CADPS2: variants seen among roughly 807,000 people sequenced by gnomAD.
The protein encoded by CADPS2 is calcium dependent secretion activator 2, also known as calcium-dependent secretion activator 2.
CADPS2 carries 93 observed loss-of-function variants against 172.5 expected under a neutral mutation model. That is an observed-to-expected ratio of 0.54 (90% confidence interval 0.46 to 0.64). The LOEUF is 0.64. CADPS2 is among the 30% of genes least tolerant of loss of function. CADPS2 has a pLI of 0.00. For synonymous variants in CADPS2, 546 were observed against 555.2 expected, an observed-to-expected ratio of 0.98 and a Z score of 0.23; for missense variants, 1,420 against 1,565.9, an observed-to-expected ratio of 0.91 and a Z score of 1.57.
chr7:122,487,759 C>A (rs1456048386), intron 11 of CADPS2, among the ~76,000 whole-genome samples: 1 of 152,080 alleles, frequency 6.6e-6, no homozygotes, highest in Admixed American at 6.6e-5. Context: ...AGGTATGGAT[C>A]TGGAGGCATT....
intron 25 of CADPS2, among the ~76,000 whole-genome samples, chr7:122,369,127 T>TTCCC (rs2041382927): frequency 1.6e-4 from 8 of 49,766 alleles, no homozygotes; most frequent in Admixed American, 2.8e-4. Context: ...AATTTTTGTT[T>TTCCC]CCCCCCCCCC....
intron 6 of CADPS2, among the ~76,000 whole-genome samples, chr7:122,588,794 T>G (rs2070225515): frequency 6.6e-6 from 1 of 151,910 alleles, no homozygotes; most frequent in Admixed American, 6.6e-5. Flanking sequence ...GTAAGGACTG[T>G]GTTATTTTCA....
chr7:122,589,626 C>T (rs2070418758), intron 6 of CADPS2, among the ~76,000 whole-genome samples: 2 of 151,898 alleles, frequency 1.3e-5, no homozygotes, highest in African/African-American at 4.8e-5. Flanking sequence ...TGGCTGCTGA[C>T]ACGTCGTTTA....
intron 1 of CADPS2, among the ~76,000 whole-genome samples, chr7:122,770,219 T>C (rs1336978393): frequency 6.6e-6 from 1 of 152,188 alleles, no homozygotes; most frequent in African/African-American, 2.4e-5. Flanking sequence ...ACAATGCTCA[T>C]TTCTTTTCCT....
chr7:122,755,148 T>G (rs1055586348), intron 1 of CADPS2, among the ~76,000 whole-genome samples: 1 of 152,162 alleles, frequency 6.6e-6, no homozygotes, highest in Non-Finnish European at 1.5e-5. Flanking sequence ...ACACCAAATC[T>G]AGATTTTAGA....
intron 6 of CADPS2, among the ~76,000 whole-genome samples, chr7:122,605,561 C>T (rs2073411302): frequency 6.6e-6 from 1 of 151,926 alleles, no homozygotes; most frequent in Admixed American, 6.6e-5. Flanking sequence ...ATTTCATTTC[C>T]TCCAGAAACT....
At chr7:122,439,536 TC>T (rs2151950666) in intron 16 of CADPS2, 1 of 152,296 alleles carries the variant, frequency 6.6e-6, no homozygotes, top group Non-Finnish European at 1.5e-5. Flanking sequence ...GATTTTATCA[TC>T]CCTGATTTAT....
chr7:122,538,492 A>G (rs1170281868), intron 8 of CADPS2, among the ~76,000 whole-genome samples: 1 of 151,670 alleles, frequency 6.6e-6, no homozygotes, highest in Non-Finnish European at 1.5e-5. Flanking sequence ...ATTTTAAAAA[A>G]TTTTCGTAAC....
At chr7:122,421,235 T>A (rs2048493424) in intron 17 of CADPS2, 1 of 152,238 alleles carries the variant, frequency 6.6e-6, no homozygotes, top group South Asian at 2.1e-4. Context: ...CCCTACATGA[T>A]GATTTATGTA....
At chr7:122,443,392 C>T (rs1018592869) in intron 15 of CADPS2, among the ~76,000 whole-genome samples, 4 of 152,148 alleles carry the variant, frequency 2.6e-5, no homozygotes, top group Admixed American at 1.3e-4. Context: ...GTTTTTACCA[C>T]TCTGGCAGCT....
intron 1 of CADPS2, among the ~76,000 whole-genome samples, chr7:122,812,593 A>G (rs1257598287): frequency 6.6e-6 from 1 of 152,092 alleles, no homozygotes; most frequent in Non-Finnish European, 1.5e-5. Context: ...ACTGGAATTC[A>G]TTTTTCAAAT....
At chr7:122,600,317 G>A (rs979626786) in intron 6 of CADPS2, among the ~76,000 whole-genome samples, 9 of 152,106 alleles carry the variant, frequency 5.9e-5, no homozygotes, top group Non-Finnish European at 1.5e-5. Flanking sequence ...CCCACCAACT[G>A]TGGGAAAACA....
intron 1 of CADPS2, among the ~76,000 whole-genome samples, chr7:122,777,985 G>C (rs894207431): frequency 6.6e-6 from 1 of 152,258 alleles, no homozygotes; most frequent in Non-Finnish European, 1.5e-5. Context: ...ATAGTTCAGA[G>C]GGGTCAGAAG....
At chr7:122,709,576 T>G (rs1325325358) in intron 2 of CADPS2, among the ~76,000 whole-genome samples, 2 of 151,194 alleles carry the variant, frequency 1.3e-5, no homozygotes, top group Non-Finnish European at 3.0e-5. Context: ...CAAAGGACTA[T>G]AAATCATGCT....
At chr7:122,559,770 CAAAA>C (rs71161306) in intron 7 of CADPS2, among the ~76,000 whole-genome samples, 32 of 85,136 alleles carry the variant, frequency 3.8e-4, no homozygotes, top group African/African-American at 9.1e-4. Context: ...GACTCCACCT[CAAAA>C]AAAAAAAAAA....
At chr7:122,353,159 T>C (rs997536899) in intron 27 of CADPS2, among the ~76,000 whole-genome samples, 8 of 152,096 alleles carry the variant, frequency 5.3e-5, no homozygotes, top group African/African-American at 1.9e-4. Flanking sequence ...AATACTATTA[T>C]CCTCACTGCA....
At chr7:122,418,133 G>A (rs1328811695) in intron 17 of CADPS2, among the ~76,000 whole-genome samples, 1 of 151,048 alleles carries the variant, frequency 6.6e-6, no homozygotes, top group Non-Finnish European at 1.5e-5. Context: ...TCACACCATT[G>A]CGCTCCAGCC....
intron 8 of CADPS2, among the ~76,000 whole-genome samples, chr7:122,519,752 A>T (rs962390503): frequency 3.3e-5 from 5 of 152,064 alleles, no homozygotes; most frequent in Non-Finnish European, 7.4e-5. Flanking sequence ...CTAAACTTTC[A>T]AATTTTTGAT....
intron 2 of CADPS2, among the ~76,000 whole-genome samples, chr7:122,711,902 C>T (rs2088805937): frequency 1.3e-5 from 2 of 152,106 alleles, no homozygotes; most frequent in African/African-American, 4.8e-5. Context: ...CCACCTGCCT[C>T]AGCCTCTCAA....
Sources: allele counts gnomAD v4.1 joint callset (sites outside exome capture counted in the v4.1 genomes callset), GRCh38; gene constraint gnomAD v4.1.1; transcripts MANE v1.5; gene names NCBI Gene and HGNC (gene_info 2026-07-23, HGNC 2026-07-21).